The following TACR3 variants were observed in gnomAD, a reference collection of about 807,000 sequenced individuals.
TACR3 encodes the protein tachykinin receptor 3, also known as neuromedin-K receptor.
In TACR3, 34 loss-of-function variants were observed where a neutral mutation model predicts 35.0. The observed-to-expected ratio is 0.97, with a 90% CI of 0.74 to 1.30. TACR3 has a LOEUF of 1.30. TACR3 is among the 50% of genes most tolerant of loss of function. The probability of loss-of-function intolerance (pLI) is 0.00; values close to 1 mark genes in which losing one functional copy is unlikely to be tolerated. For synonymous variants in TACR3, 233 were observed against 221.1 expected (o/e 1.05, Z -0.48); for missense variants, 558 against 591.7 (o/e 0.94, Z 0.59).
rs560485984 is a variant in TACR3 at position 103,674,657 on chromosome 4, T to TTC, written c.549-16256_549-16255dup. ...ACCTCTGCCTCCCGAGTTCATGCCA[T>TTC]TCTCCTGCCTCAGCCTCCCAAGTAG... On this transcript the variant is annotated intron_variant, in intron 1 of 4. Coordinates refer to ENST00000304883, the MANE Select transcript of TACR3 (RefSeq NM_001059.3). 1.4e-3 allele frequency among the ~76,000 whole-genome samples: 206 copies of TTC among 152,304 alleles called. 2 individuals are homozygous for TTC. The highest frequency in any genetic ancestry group is 0.012 in the Admixed American group (183 of 15,284).
intron 1 of TACR3, among the ~76,000 whole-genome samples, chr4:103,704,914 A>C (rs576529368): frequency 1.3e-5 from 2 of 152,324 alleles, no homozygotes; most frequent in South Asian, 4.1e-4. Flanking sequence ...ATATTTATAC[A>C]CAAGGGCATG....
intron 1 of TACR3, among the ~76,000 whole-genome samples, chr4:103,697,569 C>A (rs546084560): frequency 6.6e-6 from 1 of 151,980 alleles, no homozygotes. Context: ...GGACTACAGG[C>A]GCCCGCCACC....
chr4:103,658,331 A>G lies in TACR3; in HGVS notation c.621T>C (p.Ile207=), dbSNP rs1252039879. ...AGGCAAGTAGAAATGCTAGAATCCAAATACTTCCAATGACAATCTTGGTTG... is the reference window on the plus strand; with the variant it reads ...AGGCAAGTAGAAATGCTAGAATCCAGATACTTCCAATGACAATCTTGGTTG... ...ATATKIVIGS[I]WILAFLLAFP... Residue 207 remains isoleucine (I), a synonymous_variant, in exon 2 of 5, where the codon ATT becomes ATC. Coordinates refer to ENST00000304883, the MANE Select transcript of TACR3 (RefSeq NM_001059.3). The G allele has an allele frequency of 7.4e-6, 12 of 1,613,842 alleles. No individual in the cohort carries two copies. The highest frequency in any genetic ancestry group is 1.0e-5 in the Non-Finnish European group (12 of 1,179,964).
intron 3 of TACR3, among the ~76,000 whole-genome samples, chr4:103,646,459 T>TG (rs1725456641): frequency 6.6e-6 from 1 of 152,060 alleles, no homozygotes; most frequent in Admixed American, 6.6e-5. Context: ...ATTTTATAAT[T>TG]ATAATCATTT....
At chr4:103,709,854 C>A (rs892823876) in intron 1 of TACR3, among the ~76,000 whole-genome samples, 3 of 152,020 alleles carry the variant, frequency 2.0e-5, no homozygotes, top group African/African-American at 7.3e-5. Flanking sequence ...GCAGGGGTTG[C>A]AATCCTAGTC....
At position 103,719,691 on chromosome 4, in the gene TACR3, G is replaced by T. The variant is rs200853148; in HGVS notation, c.-16C>A. On this transcript the variant is annotated 5_prime_UTR_variant, in exon 1 of 5. It adds an upstream start codon to the 5' untranslated region. Coordinates refer to ENST00000304883, the MANE Select transcript of TACR3 (RefSeq NM_001059.3). ...GAGTGGCCATCGCCACCGGTCTGCA[G>T]TCCCGGACCCTCCCACTCACCCACG... 2 of 1,605,944 alleles carry T rather than the reference G, an allele frequency of 1.2e-6. No homozygotes were observed. Among genetic ancestry groups the T allele is most frequent in the East Asian group, 2.2e-5 (1 of 44,854 alleles).
intron 3 of TACR3, 103 bp from the exon 4 acceptor site, chr4:103,591,786 A>G (rs1248976407): frequency 5.5e-6 from 6 of 1,093,968 alleles, no homozygotes; most frequent in Non-Finnish European, 8.0e-6. Flanking sequence ...AATACACATC[A>G]TGCCTAGGGA....
chr4:103,700,061 G>T (rs1722613594), intron 1 of TACR3, among the ~76,000 whole-genome samples: 1 of 152,122 alleles, frequency 6.6e-6, no homozygotes, highest in Admixed American at 6.5e-5. Flanking sequence ...TATCTGTTGA[G>T]TGAGTGAATA....
chr4:103,629,667 C>T (rs1466164016), intron 3 of TACR3, among the ~76,000 whole-genome samples: 2 of 151,924 alleles, frequency 1.3e-5, no homozygotes, highest in Non-Finnish European at 2.9e-5. Context: ...AAGAACATTC[C>T]ATGCTCATGG....
chr4:103,695,164 T>C (rs1159925623), intron 1 of TACR3, among the ~76,000 whole-genome samples: 2 of 152,160 alleles, frequency 1.3e-5, no homozygotes, highest in East Asian at 3.9e-4. Context: ...CTGGTATACT[T>C]TTACCGTTTA....
At chr4:103,709,561 T>C (rs551591279) in intron 1 of TACR3, among the ~76,000 whole-genome samples, 1 of 152,074 alleles carries the variant, frequency 6.6e-6, no homozygotes, top group African/African-American at 2.4e-5. Context: ...CATGCCAAAT[T>C]GTAAAGACCA....
At chr4:103,629,623 G>T (rs1230003713) in intron 3 of TACR3, among the ~76,000 whole-genome samples, 23 of 152,100 alleles carry the variant, frequency 1.5e-4, no homozygotes, top group Non-Finnish European at 2.8e-4. Flanking sequence ...ACAAACCACT[G>T]CTCAATGAAA....
At chr4:103,628,510 A>G (rs188571823) in intron 3 of TACR3, among the ~76,000 whole-genome samples, 1 of 152,352 alleles carries the variant, frequency 6.6e-6, no homozygotes, top group Admixed American at 6.5e-5. Context: ...ATCAGAGAAT[A>G]CTATAAACAA....
rs1723792480 is a variant in TACR3, at chr4:103,587,478, T to A, written c.*2204A>T. 1 of 152,090 alleles carries A rather than the reference T, an allele frequency of 6.6e-6. No individual in the cohort carries two copies. Among genetic ancestry groups the A allele is most frequent in the Non-Finnish European group, 1.5e-5 (1 of 67,978 alleles). The allele number at this position is 152,090 out of a possible 1,614,324, so 9.4% of individuals were successfully genotyped here. A position where few individuals can be genotyped will look rare whatever the true frequency, so the allele number is the denominator to read the frequency against. On this transcript the variant is annotated 3_prime_UTR_variant, in exon 5 of 5. Transcript: ENST00000304883. ...AGCCAAAGCAAACCAACAATCCAAC[T>A]GACGAGGCCAGTATTTTTCCTTAGA...
At chr4:103,704,287 G>A (rs1249339277) in intron 1 of TACR3, among the ~76,000 whole-genome samples, 1 of 152,090 alleles carries the variant, frequency 6.6e-6, no homozygotes, top group East Asian at 1.9e-4. Flanking sequence ...GATGCAATGT[G>A]TTAAAAATAG....
intron 1 of TACR3, among the ~76,000 whole-genome samples, chr4:103,663,678 G>A (rs7663664): frequency 0.43 from 65,822 of 152,000 alleles, 17,206 homozygotes; most frequent in African/African-American, 0.75. Context: ...AGGGACACTT[G>A]GTTGGCCAAA....
intron 1 of TACR3, among the ~76,000 whole-genome samples, chr4:103,685,072 C>A (rs1722199113): frequency 6.6e-6 from 1 of 151,294 alleles, no homozygotes; most frequent in Non-Finnish European, 1.5e-5. Context: ...GGAAAAATAA[C>A]TTTACAAAAG....
At chr4:103,702,693 C>T (rs1057200641) in intron 1 of TACR3, among the ~76,000 whole-genome samples, 5 of 151,960 alleles carry the variant, frequency 3.3e-5, no homozygotes, top group African/African-American at 7.3e-5. Context: ...AAATGTGGCA[C>T]ATATACACCA....
intron 1 of TACR3, among the ~76,000 whole-genome samples, chr4:103,699,386 A>G (rs1722596500): frequency 6.6e-6 from 1 of 152,274 alleles, no homozygotes; most frequent in Middle Eastern, 3.4e-3. Context: ...AGAAAAGATT[A>G]CAGAGTAACA....
Sources: allele counts gnomAD v4.1 joint callset (sites outside exome capture counted in the v4.1 genomes callset), GRCh38; gene constraint gnomAD v4.1.1; transcripts MANE v1.5; gene names NCBI Gene and HGNC (gene_info 2026-07-23, HGNC 2026-07-21).